The following GRIN2D variants were observed in gnomAD, a reference collection of about 807,000 sequenced individuals.
The protein encoded by GRIN2D is glutamate receptor ionotropic, NMDA 2D.
In GRIN2D, 37 loss-of-function variants were observed where a neutral mutation model predicts 103.2. That is an observed-to-expected ratio of 0.36 (90% CI 0.28 to 0.47). The LOEUF (loss-of-function observed/expected upper bound fraction) is 0.47. Among genes scored for constraint, GRIN2D ranks in the 20% least tolerant of loss-of-function variants. The pLI, the probability that GRIN2D is intolerant of heterozygous loss-of-function variation, is 1.00. For missense variants in GRIN2D, 1,557 were observed against 1,910.6 expected, an observed-to-expected ratio of 0.81 and a Z score of 3.45; for synonymous variants, 845 against 885.6, an observed-to-expected ratio of 0.95 and a Z score of 0.81.
chr19:48,415,923 C>G (rs1399916998), intron 7 of GRIN2D, 79 bp from the exon 8 acceptor site: 3 of 1,324,486 alleles, frequency 2.3e-6, no homozygotes, highest in Non-Finnish European at 3.2e-6. Context: ...CTCCCGGGGC[C>G]CGTCTCTGCT....
chr19:48,443,429 A>G lies in GRIN2D; in HGVS notation c.3503A>G (p.Tyr1168Cys). The G allele has an allele frequency of 7.2e-7, 1 of 1,391,776 alleles. No individual in the cohort carries two copies. The highest frequency in any genetic ancestry group is 9.3e-7 in the Non-Finnish European group (1 of 1,077,652). The allele number at this position is 1,391,776 out of a possible 1,614,324, so 86.2% of individuals were successfully genotyped here. A position where few individuals can be genotyped will look rare whatever the true frequency, so the allele number is the denominator to read the frequency against. Residue 1168 changes from tyrosine (Y) to cysteine (C), a missense_variant, in exon 14 of 14, where the codon TAC becomes TGC. Around this residue, in one of 7 missense-constraint regions of GRIN2D, gnomAD observed 632 missense variants for 572.8 expected, o/e 1.10. Transcript: ENST00000263269. This position sits in a 1 kb window ranked among gnomAD's most constrained non-coding sequence, Gnocchi z 8.9. ...GGCTGGCGCGCCGGGAGCTGGGACT[A>G]CCTGCCCCCGCGCAGCGGTCCGGCC... Reference protein sequence around the residue: ...LGGWRAGSWDYLPPRSGPAAW... With the variant: ...LGGWRAGSWDCLPPRSGPAAW...
Position 48,419,682 on chromosome 19 carries a change from C to T in GRIN2D, c.1959C>T (p.Thr653=). 6.2e-7 allele frequency: 1 copy of T among 1,613,556 alleles called. No homozygotes were observed. The highest frequency in any genetic ancestry group is 8.5e-7 in the Non-Finnish European group (1 of 1,179,868). The change falls in exon 10 of 14, where the codon ACC becomes ACT. Residue 653 remains threonine, a synonymous_variant. Coordinates refer to ENST00000263269, the MANE Select transcript of GRIN2D (RefSeq NM_000836.4). ...NSVPVENPRG[T]TSKIMVLVWA... ...TGCCCGTGGAGAACCCCCGGGGAAC[C>T]ACCAGCAAAATCATGGTGCTGGTGT...
rs916206258 is a variant in GRIN2D at position 48,419,444 on chromosome 19, G to T, written c.1861+85G>T. 50 of 1,512,236 alleles carry T rather than the reference G, an allele frequency of 3.3e-5. No individual in the cohort carries two copies. In the Middle Eastern group the frequency reaches 7.1e-4, roughly 21 times the overall value. 93.7% of individuals were successfully genotyped at this position (1,512,236 alleles called of 1,614,324 possible). ...TACATTTCCCAGCAGCCCCTGGAGG[G>T]GGGGCGGTCAAGCTAGGGCCTCTCG... On this transcript the variant is annotated intron_variant, in intron 9 of 13. Coordinates refer to ENST00000263269, the MANE Select transcript of GRIN2D (RefSeq NM_000836.4).
chr19:48,442,005 C>G lies in GRIN2D; in HGVS notation c.2440+49C>G. 6.5e-7 allele frequency: 1 copy of G among 1,550,014 alleles called. No individual in the cohort carries two copies. Among genetic ancestry groups the G allele is most frequent in the Non-Finnish European group, 8.8e-7 (1 of 1,140,572 alleles). The stretch of plus-strand genomic sequence containing the variant: ...CACAGCGGAGAGGGGGAGGGCGAGG[C>G]CCCTGGGTTCCGGGGAAGAAAGGGA... On this transcript the variant is annotated intron_variant, in intron 12 of 13. Coordinates refer to ENST00000263269, the MANE Select transcript of GRIN2D (RefSeq NM_000836.4). The surrounding 1 kb of genome is among the most constrained non-coding windows in gnomAD (Gnocchi z 7.2).
At chr19:48,413,572 G>T (rs933500117) in intron 4 of GRIN2D, among the ~76,000 whole-genome samples, 1 of 138,772 alleles carries the variant, frequency 7.2e-6, no homozygotes, top group Non-Finnish European at 1.5e-5. Context: ...TGAGGCAGGA[G>T]AATCACTTGA....
In GRIN2D at chr19:48,393,939, G is replaced by A. The variant is rs949508746; in HGVS notation, c.-306+71G>A. Among the ~76,000 whole-genome samples the A allele has an allele frequency of 2.6e-5, 4 of 152,130 alleles. No homozygotes were observed. The highest frequency in any genetic ancestry group is 4.4e-5 in the Non-Finnish European group (3 of 67,990). On this transcript the variant is annotated intron_variant, in intron 1 of 13. Transcript: ENST00000263269. This position sits in a 1 kb window ranked among gnomAD's most constrained non-coding sequence, Gnocchi z 5.6. ...GGGGTGTGTCTGTAAGCGCTGCGGC[G>A]GCGGAGGGAGGGAGGGGTCTGTCTG...
chr19:48,430,846 G>A (rs1600989611), intron 11 of GRIN2D, among the ~76,000 whole-genome samples: 1 of 146,448 alleles, frequency 6.8e-6, no homozygotes, highest in Non-Finnish European at 1.5e-5. Context: ...TTGAGACAGG[G>A]TCTCTCTCTG....
chr19:48,404,901 T>A lies in GRIN2D; in HGVS notation c.633T>A (p.Ser211Arg), dbSNP rs1451885128. Reference sequence around the variant, plus strand: ...ACATTGAGGTGCTGACTGACGGTAGTCTGGTGGGCTGGGAGCACCGCGGAG... The same window carrying A: ...ACATTGAGGTGCTGACTGACGGTAGACTGGTGGGCTGGGAGCACCGCGGAG... ...LSYIEVLTDG[S>R]LVGWEHRGAL... Residue 211 changes from serine to arginine, a missense_variant, in exon 4 of 14, where the codon AGT becomes AGA. Around this residue, in one of 7 missense-constraint regions of GRIN2D, gnomAD observed 490 missense variants for 601.1 expected, o/e 0.82. Coordinates refer to ENST00000263269, the MANE Select transcript of GRIN2D (RefSeq NM_000836.4). 4 of 1,614,110 alleles carry A rather than the reference T, an allele frequency of 2.5e-6. No individual in the cohort carries two copies. The highest frequency in any genetic ancestry group is 3.4e-6 in the Non-Finnish European group (4 of 1,180,024).
chr19:48,433,989 C>T (rs1441469618), intron 11 of GRIN2D, among the ~76,000 whole-genome samples: 2 of 150,830 alleles, frequency 1.3e-5, no homozygotes, highest in East Asian at 3.9e-4. Flanking sequence ...CGCTCTGTTG[C>T]CCAGGCTGGA....
At chr19:48,401,475 T>C (rs943491016) in intron 3 of GRIN2D, among the ~76,000 whole-genome samples, 12 of 152,166 alleles carry the variant, frequency 7.9e-5, no homozygotes, top group African/African-American at 2.7e-4. Flanking sequence ...GGTGGAGGTC[T>C]GGCATGGAGG....
intron 3 of GRIN2D, among the ~76,000 whole-genome samples, chr19:48,401,264 G>GA (rs112749783): frequency 2.2e-4 from 33 of 149,690 alleles, no homozygotes; most frequent in Middle Eastern, 3.4e-3. Context: ...AGAGGGGGGG[G>GA]GAAAAAAAGA....
intron 3 of GRIN2D, among the ~76,000 whole-genome samples, chr19:48,402,648 C>T (rs1253340219): frequency 2.2e-5 from 3 of 133,952 alleles, no homozygotes; most frequent in Non-Finnish European, 3.1e-5. Context: ...ACCCGGGAAG[C>T]GGAGCTTTCA....
chr19:48,396,091 T>C (rs1970635876), intron 2 of GRIN2D, among the ~76,000 whole-genome samples: 1 of 151,862 alleles, frequency 6.6e-6, no homozygotes, highest in Non-Finnish European at 1.5e-5. Flanking sequence ...CCTGAGTCCC[T>C]GACAGGGCAG....
intron 11 of GRIN2D, among the ~76,000 whole-genome samples, chr19:48,432,788 T>TA (rs1482376291): frequency 2.7e-5 from 4 of 150,244 alleles, no homozygotes; most frequent in African/African-American, 7.3e-5. Flanking sequence ...TTTTTTTTTT[T>TA]ATTTCATTTT....
intron 11 of GRIN2D, among the ~76,000 whole-genome samples, chr19:48,440,221 A>AT (rs1555894881): frequency 2.6e-5 from 4 of 151,940 alleles, no homozygotes; most frequent in African/African-American, 9.7e-5. Context: ...CAAGAAAAAA[A>AT]AAATAAATAA....
chr19:48,415,355 G>GT (rs1366629337), intron 7 of GRIN2D, among the ~76,000 whole-genome samples: 1 of 151,760 alleles, frequency 6.6e-6, no homozygotes, highest in East Asian at 1.9e-4. Context: ...TGGGCACAGA[G>GT]TGAGACTCAG....
rs780694918 is a variant in GRIN2D, at chr19:48,405,391, C to T, written c.1085+38C>T. The T allele has an allele frequency of 6.6e-7, 1 of 1,511,218 alleles. No homozygotes were observed. The highest frequency in any genetic ancestry group is 8.9e-7 in the Non-Finnish European group (1 of 1,129,556). 93.6% of individuals were successfully genotyped at this position (1,511,218 alleles called of 1,614,324 possible). ...GGAATGGGAGGGGTGTGGGAGGGCT[C>T]CCAGAGCCTAACTACCTCAGTATTC... On this transcript the variant is annotated intron_variant, in intron 4 of 13. Coordinates refer to ENST00000263269, the MANE Select transcript of GRIN2D (RefSeq NM_000836.4). The surrounding 1 kb of genome is among the most constrained non-coding windows in gnomAD (Gnocchi z 5.1).
chr19:48,412,427 AAGAAAGAAAG>A (rs1448284846), intron 4 of GRIN2D, among the ~76,000 whole-genome samples: 8 of 95,678 alleles, frequency 8.4e-5, no homozygotes, highest in African/African-American at 3.9e-4. Flanking sequence ...AAAGAAAAGA[AAGAAAGAAAG>A]AAAGAAAGAA....
intron 11 of GRIN2D, among the ~76,000 whole-genome samples, chr19:48,424,266 T>A (rs867183979): frequency 1.6e-4 from 16 of 100,946 alleles, no homozygotes; most frequent in African/African-American, 6.7e-4. Flanking sequence ...AAAAAAAAAA[T>A]TTTTTTTTTT....
Sources: gnomAD v4.1 joint callset for allele counts (sites outside exome capture counted in the v4.1 genomes callset) on GRCh38, gnomAD v4.1.1 for gene constraint, gnomAD v4.1.1 regional missense constraint, Gnocchi (gnomAD v3.1) non-coding constraint, MANE v1.5 for transcripts, NCBI Gene and HGNC (gene_info 2026-07-23, HGNC 2026-07-21) for gene names.